STX8: variants seen among roughly 807,000 people sequenced by gnomAD.
The protein encoded by STX8 is syntaxin 8.
A neutral mutation model predicts 37.5 loss-of-function variants in STX8; 23 were observed. That is an observed-to-expected ratio of 0.61 (90% CI 0.44 to 0.87). The LOEUF (loss-of-function observed/expected upper bound fraction) is 0.87. Among genes scored for constraint, STX8 ranks in the 40% least tolerant of loss-of-function variants. STX8 has a pLI of 0.00. For missense variants in STX8, 313 were observed against 284.7 expected, an observed-to-expected ratio of 1.10 and a Z score of -0.71; for synonymous variants, 115 against 99.1, an observed-to-expected ratio of 1.16 and a Z score of -0.95.
At chr17:9,491,713 A>G (rs1906857381) in intron 6 of STX8, 116 bp downstream of exon 6, 1 of 840,304 alleles carries the variant, frequency 1.2e-6, no homozygotes, top group Non-Finnish European at 1.9e-6. Context: ...AACTGTAACA[A>G]TCATTGACAT....
chr17:9,294,761 T>C (rs1431075156), intron 7 of STX8, among the ~76,000 whole-genome samples: 4 of 152,152 alleles, frequency 2.6e-5, no homozygotes, highest in Admixed American at 6.5e-5. Flanking sequence ...TGTAACTGTA[T>C]TTGGAGACAG....
At chr17:9,529,187 TAA>T (rs766117823) in intron 4 of STX8, among the ~76,000 whole-genome samples, 3 of 152,150 alleles carry the variant, frequency 2.0e-5, no homozygotes, top group Admixed American at 1.3e-4. Context: ...TGGGATGGGC[TAA>T]GTTTGCCCTT....
At chr17:9,253,303 ATG>A (rs1028115051) in intron 7 of STX8, among the ~76,000 whole-genome samples, 7 of 142,716 alleles carry the variant, frequency 4.9e-5, no homozygotes, top group Non-Finnish European at 7.7e-5. Flanking sequence ...GTGTATGCGT[ATG>A]TGTGTGTATG....
intron 3 of STX8, chr17:9,556,802 CATAT>C (rs1183053093): frequency 1.1e-5 from 1 of 95,014 alleles, no homozygotes; most frequent in African/African-American, 3.8e-5. Context: ...TATACACATA[CATAT>C]ATATATATAT....
At chr17:9,441,893 T>G (rs1289356047) in intron 6 of STX8, among the ~76,000 whole-genome samples, 1 of 151,726 alleles carries the variant, frequency 6.6e-6, no homozygotes, top group Non-Finnish European at 1.5e-5. Flanking sequence ...GCCAGGATGG[T>G]CTCAATCTCC....
intron 6 of STX8, among the ~76,000 whole-genome samples, chr17:9,478,068 G>C (rs729162): frequency 0.26 from 39,915 of 152,178 alleles, 5,478 homozygotes; most frequent in South Asian, 0.35. Flanking sequence ...GTGTAGGTAA[G>C]TTTCTTCATT....
intron 4 of STX8, among the ~76,000 whole-genome samples, chr17:9,520,227 T>C (rs944352462): frequency 2.0e-5 from 3 of 150,202 alleles, no homozygotes; most frequent in South Asian, 4.1e-4. Flanking sequence ...TCTTGAAATG[T>C]TTTTTAAAAA....
At chr17:9,435,331 A>C (rs1904393204) in intron 6 of STX8, among the ~76,000 whole-genome samples, 1 of 152,200 alleles carries the variant, frequency 6.6e-6, no homozygotes, top group Non-Finnish European at 1.5e-5. Context: ...GCTAGAGCAC[A>C]GGAGATTAGG....
chr17:9,461,756 T>TATA (rs1905399350), intron 6 of STX8, among the ~76,000 whole-genome samples: 2 of 151,906 alleles, frequency 1.3e-5, no homozygotes, highest in Admixed American at 6.6e-5. Flanking sequence ...TTATTATTAT[T>TATA]ATAATATATA....
Position 9,453,585 on chromosome 17 carries a change from C to A in STX8, c.541+38244G>T, listed in dbSNP as rs532222397. 2.0e-5 allele frequency among the ~76,000 whole-genome samples: 3 copies of A among 148,434 alleles called. No individual in the cohort carries two copies. In the East Asian group the frequency reaches 6.1e-4, roughly 30 times the overall value. On this transcript the variant is annotated intron_variant, in intron 6 of 7. Transcript: ENST00000306357. ...TCGGCTCACTGCAACCTCTGCCTCC[C>A]GGGTTCAAGCGATTCTCCTGCCTCA...
intron 2 of STX8, among the ~76,000 whole-genome samples, chr17:9,566,871 C>T (rs117520083): frequency 0.047 from 7,083 of 152,240 alleles, 299 homozygotes; most frequent in Admixed American, 0.14. Flanking sequence ...ATAGAATCAA[C>T]CTGATGCCCA....
At chr17:9,546,591 G>GTTTTTGTTT (rs1906529954) in intron 3 of STX8, among the ~76,000 whole-genome samples, 1 of 52,216 alleles carries the variant, frequency 1.9e-5, no homozygotes, top group African/African-American at 8.2e-5. Flanking sequence ...TACAAAAGTG[G>GTTTTTGTTT]TTTTTTTTTT....
At chr17:9,568,275 A>T (rs1416867351) in intron 2 of STX8, 96 bp downstream of exon 2, 6 of 830,346 alleles carry the variant, frequency 7.2e-6, no homozygotes, top group South Asian at 1.7e-5. Flanking sequence ...ATCATCATAC[A>T]CACATGTGCA....
chr17:9,419,343 G>C (rs1913340506), intron 6 of STX8, among the ~76,000 whole-genome samples: 1 of 152,160 alleles, frequency 6.6e-6, no homozygotes, highest in Non-Finnish European at 1.5e-5. Context: ...TCCCAAGTAA[G>C]CTGGGACTGT....
intron 7 of STX8, among the ~76,000 whole-genome samples, chr17:9,278,762 C>T (rs926197611): frequency 5.3e-5 from 8 of 150,750 alleles, no homozygotes; most frequent in South Asian, 2.1e-4. Context: ...GGAAAGATCA[C>T]GGGGAGGCGG....
At chr17:9,487,863 T>C (rs1262109346) in intron 6 of STX8, among the ~76,000 whole-genome samples, 3 of 152,186 alleles carry the variant, frequency 2.0e-5, no homozygotes, top group Non-Finnish European at 4.4e-5. Context: ...AGACCTGTAA[T>C]GTGAGCATAT....
At chr17:9,276,620 ATTTG>A (rs951020623) in intron 7 of STX8, among the ~76,000 whole-genome samples, 4 of 147,280 alleles carry the variant, frequency 2.7e-5, no homozygotes, top group African/African-American at 1.0e-4. Context: ...TTGTTTGTTT[ATTTG>A]TTTGTTTTTT....
intron 4 of STX8, among the ~76,000 whole-genome samples, chr17:9,510,886 G>C (rs749961782): frequency 1.4e-4 from 21 of 151,950 alleles, no homozygotes; most frequent in Non-Finnish European, 2.5e-4. Flanking sequence ...AAAAAAGAGA[G>C]ATGACTCAAA....
At chr17:9,551,311 T>C (rs1490428454) in intron 3 of STX8, among the ~76,000 whole-genome samples, 7 of 152,228 alleles carry the variant, frequency 4.6e-5, no homozygotes, top group Non-Finnish European at 8.8e-5. Flanking sequence ...TGATCACATT[T>C]TGCAAGTACT....
Sources: allele counts gnomAD v4.1 joint callset (sites outside exome capture counted in the v4.1 genomes callset), GRCh38; gene constraint gnomAD v4.1.1; transcripts MANE v1.5; gene names NCBI Gene and HGNC (gene_info 2026-07-23, HGNC 2026-07-21).